The following BLM variants were observed in gnomAD, a reference collection of about 807,000 sequenced individuals.
The protein encoded by BLM is recQ-like DNA helicase BLM.
Under a neutral mutation model 135.3 loss-of-function variants are expected in BLM, and 95 were observed. That is an observed-to-expected ratio of 0.70 (90% CI 0.59 to 0.83). The LOEUF is 0.83. BLM is among the 40% of genes least tolerant of loss of function. BLM has a pLI of 0.00. For synonymous variants in BLM, 520 were observed against 589.2 expected (o/e 0.88, Z 1.70); for missense variants, 1,518 against 1,663.9 (o/e 0.91, Z 1.53).
At chr15:90,809,009 C>A in intron 19 of BLM, 128 bp from the exon 20 acceptor site, 1 of 1,359,736 alleles carries the variant, frequency 7.4e-7, no homozygotes, top group Non-Finnish European at 1.0e-6. Flanking sequence ...ACAAAATTGG[C>A]CTGTGTTCCC....
intron 12 of BLM, 81 bp downstream of exon 12, chr15:90,769,667 G>A (rs1203495825): frequency 7.4e-5 from 111 of 1,498,474 alleles, no homozygotes; most frequent in Non-Finnish European, 9.6e-5. Context: ...CACCTGTGGC[G>A]CTTTAACGCC....
intron 1 of BLM, among the ~76,000 whole-genome samples, chr15:90,722,783 C>T (rs975579246): frequency 6.6e-6 from 1 of 152,094 alleles, no homozygotes; most frequent in Non-Finnish European, 1.5e-5. Flanking sequence ...CCCAGGACCC[C>T]AGAAGTGTAT....
intron 19 of BLM, among the ~76,000 whole-genome samples, chr15:90,804,766 G>A (rs866235939): frequency 7.9e-5 from 12 of 152,114 alleles, no homozygotes; most frequent in African/African-American, 2.7e-4. Flanking sequence ...ACTGAGCCTG[G>A]CCTCAGTTGT....
intron 1 of BLM, among the ~76,000 whole-genome samples, chr15:90,740,006 C>A (rs1461543436): frequency 1.3e-5 from 2 of 152,142 alleles, no homozygotes; most frequent in Non-Finnish European, 2.9e-5. Context: ...CTCAAGCGAT[C>A]CCCCCGCCTC....
At chr15:90,765,682 T>A (rs959378196) in intron 9 of BLM, among the ~76,000 whole-genome samples, 6 of 152,384 alleles carry the variant, frequency 3.9e-5, no homozygotes, top group Middle Eastern at 3.4e-3. Flanking sequence ...AATCATTTCT[T>A]TTTTCAGTAC....
chr15:90,747,908 C>T (rs1009615545), intron 2 of BLM, among the ~76,000 whole-genome samples: 17 of 151,766 alleles, frequency 1.1e-4, no homozygotes, highest in Admixed American at 6.6e-4. Flanking sequence ...CCTGGGTTCA[C>T]GCCATTCTCC....
At chr15:90,797,322 A>G (rs1207298613) in intron 16 of BLM, among the ~76,000 whole-genome samples, 1 of 149,980 alleles carries the variant, frequency 6.7e-6, no homozygotes, top group Non-Finnish European at 1.5e-5. Context: ...AGGCTGAGGC[A>G]GGAGAATCGC....
chr15:90,760,684 C>A lies in BLM; in HGVS notation c.1311C>A (p.Gly437=). 1 of 1,613,948 alleles carries A rather than the reference C, an allele frequency of 6.2e-7. No homozygotes were observed. The highest frequency in any genetic ancestry group is 8.5e-7 in the Non-Finnish European group (1 of 1,179,874). ...LWRYRPDSLD[G]PMEGDSCPTG... ...GATACAGGCCTGATTCACTTGATGG[C>A]CCTATGGAGGGTGATTCCTGCCCTA... is the stretch of plus-strand genomic sequence containing the variant. Residue 437 remains glycine (G), a synonymous_variant, in exon 7 of 22, where the codon GGC becomes GGA. Coordinates refer to ENST00000355112, the MANE Select transcript of BLM (RefSeq NM_000057.4).
At position 90,737,521 on chromosome 15, in the gene BLM, G is replaced by T. The variant is rs1418814023; in HGVS notation, c.-4-9868G>T. 2.0e-5 allele frequency among the ~76,000 whole-genome samples: 3 copies of T among 152,294 alleles called. No individual in the cohort carries two copies. The East Asian group carries it at 5.8e-4, about 29-fold the overall frequency. On this transcript the variant is annotated intron_variant, in intron 1 of 21. Transcript: ENST00000355112. ...GGAAAAGTAAATGAAGACCATGAAT[G>T]TTGTGCCAGGTAATAAGAAAGTGCC... is the stretch of plus-strand genomic sequence containing the variant.
At chr15:90,807,400 T>G (rs1312748573) in intron 19 of BLM, among the ~76,000 whole-genome samples, 1 of 152,148 alleles carries the variant, frequency 6.6e-6, no homozygotes, top group Non-Finnish European at 1.5e-5. Flanking sequence ...TTTTTTGTTT[T>G]GCTTTGTTTT....
chr15:90,733,213 A>G (rs1895114288), intron 1 of BLM, among the ~76,000 whole-genome samples: 1 of 152,256 alleles, frequency 6.6e-6, no homozygotes, highest in Non-Finnish European at 1.5e-5. Context: ...CCACTGACAC[A>G]GGATAGTTTT....
intron 1 of BLM, among the ~76,000 whole-genome samples, chr15:90,719,243 C>T (rs572516915): frequency 4.4e-4 from 67 of 152,248 alleles, no homozygotes; most frequent in Non-Finnish European, 5.7e-4. Context: ...CGCCTGCCTC[C>T]GCCTCCCAAG....
chr15:90,748,350 C>T (rs570283298), intron 2 of BLM, among the ~76,000 whole-genome samples: 22 of 152,154 alleles, frequency 1.4e-4, no homozygotes, highest in African/African-American at 5.1e-4. Flanking sequence ...TCAAGTGATC[C>T]GCCCACCTTG....
At chr15:90,794,766 T>G (rs1197275274) in intron 16 of BLM, among the ~76,000 whole-genome samples, 1 of 148,622 alleles carries the variant, frequency 6.7e-6, no homozygotes, top group Non-Finnish European at 1.5e-5. Context: ...ATATTAAAAT[T>G]GACGTATTAA....
intron 19 of BLM, 173 bp from the exon 20 acceptor site, chr15:90,808,964 T>G (rs1361675219): frequency 7.4e-6 from 6 of 815,154 alleles, no homozygotes; most frequent in African/African-American, 1.7e-5. Context: ...CCTCTGTGCC[T>G]GTCTGCTGCC....
intron 18 of BLM, 106 bp from the exon 19 acceptor site, chr15:90,804,061 A>G: frequency 9.3e-7 from 1 of 1,076,182 alleles, no homozygotes; most frequent in Non-Finnish European, 1.4e-6. Context: ...TCTGCATGAC[A>G]GAATAGAATT....
chr15:90,732,063 A>G (rs1243673508), intron 1 of BLM, among the ~76,000 whole-genome samples: 1 of 152,058 alleles, frequency 6.6e-6, no homozygotes, highest in Non-Finnish European at 1.5e-5. Context: ...TTTCTTTTCT[A>G]ATAATTAGGG....
rs78641345 is a variant in BLM, at chr15:90,746,140, C to A, written c.-4-1249C>A. Among the ~76,000 whole-genome samples, 156 of 152,210 alleles carry A rather than the reference C, an allele frequency of 1.0e-3. 4 individuals are homozygous for A. In the East Asian group the frequency reaches 0.025, roughly 25 times the overall value. Reference sequence around the variant, plus strand: ...TGAGTGAAAGAAGTAATAACAGAATCGAAATGTCACCATTTTGGAGGTGGA... The same window carrying A: ...TGAGTGAAAGAAGTAATAACAGAATAGAAATGTCACCATTTTGGAGGTGGA... On this transcript the variant is annotated intron_variant, in intron 1 of 21. Coordinates refer to ENST00000355112, the MANE Select transcript of BLM (RefSeq NM_000057.4).
At chr15:90,790,910 C>T (rs1388247485) in intron 15 of BLM, 66 bp downstream of exon 15, 21 of 1,461,536 alleles carry the variant, frequency 1.4e-5, no homozygotes, top group Non-Finnish European at 2.0e-5. Flanking sequence ...TCTACTCCTG[C>T]TATTGTGGTA....
Sources: gnomAD v4.1 joint callset for allele counts (sites outside exome capture counted in the v4.1 genomes callset) on GRCh38, gnomAD v4.1.1 for gene constraint, MANE v1.5 for transcripts, NCBI Gene and HGNC (gene_info 2026-07-23, HGNC 2026-07-21) for gene names.